The following EOMES variants were observed in gnomAD, a reference collection of about 807,000 sequenced individuals.
EOMES encodes the protein eomesodermin, also known as eomesodermin homolog.
EOMES carries 18 observed loss-of-function variants against 61.0 expected under a neutral mutation model. The ratio of observed to expected loss-of-function variants is 0.30; its 90% CI spans 0.20 to 0.44. The LOEUF is 0.44. Ranked by LOEUF, EOMES falls within the 20% of genes least tolerant of loss-of-function variation. The pLI, the probability that EOMES is intolerant of heterozygous loss-of-function variation, is 1.00. For missense variants in EOMES, 885 were observed against 939.2 expected, an observed-to-expected ratio of 0.94 and a Z score of 0.75; for synonymous variants, 430 against 394.0, an observed-to-expected ratio of 1.09 and a Z score of -1.08.
Position 27,721,013 on chromosome 3 carries a change from T to C in EOMES, c.881+401A>G, listed in dbSNP as rs754180731. Among the ~76,000 whole-genome samples, 1 of 152,176 alleles carries C rather than the reference T, an allele frequency of 6.6e-6. No homozygotes were observed. Among genetic ancestry groups the C allele is most frequent in the Non-Finnish European group, 1.5e-5 (1 of 68,032 alleles). ...CCTAAAACTGCGGGAGCCCATCTACTGCGCTCAGGTGGCCAGCTCTTGAGC... is the reference window on the plus strand; with the variant it reads ...CCTAAAACTGCGGGAGCCCATCTACCGCGCTCAGGTGGCCAGCTCTTGAGC... On this transcript the variant is annotated intron_variant, in intron 1 of 5. Transcript: ENST00000449599. The surrounding 1 kb of genome is among the most constrained non-coding windows in gnomAD (Gnocchi z 7.4).
Position 27,719,391 on chromosome 3 carries a change from T to C in EOMES, c.1127A>G (p.Asn376Ser). The change falls in exon 3 of 6, where the codon AAT (asparagine) becomes AGT (serine). Residue 376 changes from asparagine (N) to serine (S), a missense_variant. Transcript: ENST00000449599. ...EISFGKLKLTNNKGANNNNTQ... is the reference protein window; with the variant it reads ...EISFGKLKLTSNKGANNNNTQ... ...GTTGTTGTTATTTGCGCCTTTGTTA[T>C]TGGTGAGTTTTAATTTCCCGAATGA... 1 of 1,614,080 alleles carries C rather than the reference T, an allele frequency of 6.2e-7. No individual in the cohort carries two copies. Among genetic ancestry groups the C allele is most frequent in the Non-Finnish European group, 8.5e-7 (1 of 1,179,926 alleles).
In EOMES at chr3:27,717,235, A is replaced by G. The variant is rs370255264; in HGVS notation, c.1953T>C (p.Asp651=). 1.8e-5 allele frequency: 29 copies of G among 1,613,926 alleles called. 1 individual carries two copies. The Middle Eastern group carries it at 6.6e-4, about 37-fold the overall frequency. Residue 651 remains aspartate, a synonymous_variant, in exon 6 of 6, where the codon GAT becomes GAC. Transcript: ENST00000449599. This position sits in a 1 kb window ranked among gnomAD's most constrained non-coding sequence, Gnocchi z 4.5. The part of the protein sequence containing the change: ...PPSIKSLDSN[D]SGVYTSACKR... ...TACAAGCACTGGTGTATACTCCTGAATCATTGGAATCTAGAGATTTGATGG... is the reference window on the plus strand; with the variant it reads ...TACAAGCACTGGTGTATACTCCTGAGTCATTGGAATCTAGAGATTTGATGG...
rs762111935 is a variant in EOMES, at chr3:27,720,158, C to T, written c.1036+13G>A. The T allele has an allele frequency of 1.5e-5, 23 of 1,552,652 alleles. No individual in the cohort carries two copies. In the South Asian group the frequency reaches 2.5e-4, roughly 17 times the overall value. ...GCCCGTTCCTCCCCGGCCCGAGCCT[C>T]TTCTCTGCTCACCCTGCATGTTATT... On this transcript the variant is annotated intron_variant, in intron 2 of 5. Transcript: ENST00000449599.
At chr3:27,718,917 T>A in intron 3 of EOMES, 24 bp from the exon 4 acceptor site, 1 of 1,574,362 alleles carries the variant, frequency 6.4e-7, no homozygotes, top group Non-Finnish European at 8.6e-7. Context: ...AGAAAAAAAT[T>A]GCTAAATCTA....
In EOMES at chr3:27,721,823, C is replaced by T. The variant is rs2060616605; in HGVS notation, c.472G>A (p.Ala158Thr). Residue 158 changes from alanine to threonine, a missense_variant, in exon 1 of 6, where the codon GCG becomes ACG. Coordinates refer to ENST00000449599, the MANE Select transcript of EOMES (RefSeq NM_001278182.2). This position sits in a 1 kb window ranked among gnomAD's most constrained non-coding sequence, Gnocchi z 7.4. ...TGGTACGGGAAGAGTGAGCAGGGCG[C>T]AGCCAGCTCCGACCCCTGAGGACCG... The part of the protein sequence containing the change: ...SPGPQGSELA[A>T]PCSLFPYQAA... 9.9e-6 allele frequency: 15 copies of T among 1,515,764 alleles called. No individual in the cohort carries two copies. The highest frequency in any genetic ancestry group is 1.3e-5 in the Non-Finnish European group (15 of 1,140,424). The allele number at this position is 1,515,764 out of a possible 1,614,324, so 93.9% of individuals were successfully genotyped here. A position where few individuals can be genotyped will look rare whatever the true frequency, so the allele number is the denominator to read the frequency against.
chr3:27,721,394 C>A lies in EOMES; in HGVS notation c.881+20G>T, dbSNP rs569189971. 2 of 1,594,940 alleles carry A rather than the reference C, an allele frequency of 1.3e-6. No homozygotes were observed. Among genetic ancestry groups the A allele is most frequent in the Non-Finnish European group, 1.7e-6 (2 of 1,170,518 alleles). On this transcript the variant is annotated intron_variant, in intron 1 of 5. Coordinates refer to ENST00000449599, the MANE Select transcript of EOMES (RefSeq NM_001278182.2). This position sits in a 1 kb window ranked among gnomAD's most constrained non-coding sequence, Gnocchi z 7.4. ...CACCCTTTATCCCCGAACCCAGGGG[C>A]CCCTCCACGCTGCGCTCACCTGCCC... is the stretch of plus-strand genomic sequence containing the variant.
intron 5 of EOMES, among the ~76,000 whole-genome samples, chr3:27,718,040 G>A (rs905965471): frequency 1.3e-5 from 2 of 152,072 alleles, no homozygotes; most frequent in Non-Finnish European, 2.9e-5. Context: ...TAGGCATCAA[G>A]TATTTAAACT....
rs904729096 is a variant in EOMES at position 27,717,731 on chromosome 3, C to T, written c.1457G>A (p.Gly486Glu). The T allele has an allele frequency of 4.9e-5, 79 of 1,613,756 alleles. No homozygotes were observed. Among genetic ancestry groups the T allele is most frequent in the Non-Finnish European group, 6.6e-5 (78 of 1,179,888 alleles). The change falls in exon 6 of 6, where the codon GGA becomes GAA. Residue 486 changes from glycine to glutamate, a missense_variant. Transcript: ENST00000449599. The surrounding 1 kb of genome is among the most constrained non-coding windows in gnomAD (Gnocchi z 4.5). ...GAAGGATTGAACGCCGTACCGACCT[C>T]CAGGGACAATCTGATGGGATCTAGG... ...DSPRSHQIVP[G>E]GRYGVQSFFP...
chr3:27,718,898 A>G lies in EOMES; in HGVS notation c.1159-5T>C, dbSNP rs756489327. The G allele has an allele frequency of 1.3e-6, 2 of 1,599,192 alleles. No individual in the cohort carries two copies. Among genetic ancestry groups the G allele is most frequent in the Non-Finnish European group, 1.7e-6 (2 of 1,171,802 alleles). Reference sequence around the variant, plus strand: ...TAAGGATTGTAAGACTATCATCTGGAAAGAGTACAGAAAAAAATTGCTAAA... The same window carrying G: ...TAAGGATTGTAAGACTATCATCTGGGAAGAGTACAGAAAAAAATTGCTAAA... On this transcript the variant is annotated splice_region_variant and splice_polypyrimidine_tract_variant and intron_variant, in intron 3 of 5. Coordinates refer to ENST00000449599, the MANE Select transcript of EOMES (RefSeq NM_001278182.2).
intron 5 of EOMES, 114 bp downstream of exon 5, chr3:27,718,473 T>C (rs1282432986): frequency 1.5e-6 from 1 of 680,504 alleles, no homozygotes; most frequent in Non-Finnish European, 2.3e-6. Flanking sequence ...AAGAAAAATA[T>C]GTAAAAATCC....
At chr3:27,722,707 T>C, upstream of EOMES, 2 of 1,000,368 alleles carry the variant, frequency 2.0e-6, no homozygotes, top group Non-Finnish European at 2.4e-6. Context: ...GTTGACCACT[T>C]GGAAACTTAT....
Position 27,717,395 on chromosome 3 carries a change from C to T in EOMES, c.1793G>A (p.Gly598Asp), listed in dbSNP as rs2060576908. The T allele has an allele frequency of 6.2e-7, 1 of 1,614,214 alleles. No homozygotes were observed. The highest frequency in any genetic ancestry group is 8.5e-7 in the Non-Finnish European group (1 of 1,180,042). ...FPAMAGWGGR[G>D]SYQRKMAAGL... Reference sequence around the variant, plus strand: ...AGCTGCCATCTTCCTCTGGTAAGAACCTCGACCTCCCCACCCTGCCATTGC... The same window carrying T: ...AGCTGCCATCTTCCTCTGGTAAGAATCTCGACCTCCCCACCCTGCCATTGC... Residue 598 changes from glycine (G) to aspartate (D), a missense_variant, in exon 6 of 6, where the codon GGT becomes GAT. Transcript: ENST00000449599. This position sits in a 1 kb window ranked among gnomAD's most constrained non-coding sequence, Gnocchi z 4.5.
chr3:27,718,683 T>C (rs773390866), intron 4 of EOMES, 35 bp from the exon 5 acceptor site: 7 of 1,613,122 alleles, frequency 4.3e-6, no homozygotes, highest in Non-Finnish European at 5.9e-6. Flanking sequence ...TTGAGTGATT[T>C]ATCATGCTGG....
chr3:27,722,101 C>G lies in EOMES; in HGVS notation c.194G>C (p.Ser65Thr), dbSNP rs774494349. 2 of 1,549,014 alleles carry G rather than the reference C, an allele frequency of 1.3e-6. No individual in the cohort carries two copies. The highest frequency in any genetic ancestry group is 2.7e-5 in the African/African-American group (2 of 73,072). ...FSGSLSCEAV[S>T]GEPAAASAGA... The stretch of plus-strand genomic sequence containing the variant: ...TGCGCTGGCGGCTGCGGGCTCCCCG[C>G]TCACCGCCTCGCAGGAGAGACTGCC... Residue 65 changes from serine to threonine, a missense_variant, in exon 1 of 6, where the codon AGC (serine) becomes ACC (threonine). By Grantham distance (58) the Ser-to-Thr change is moderately conservative (BLOSUM62 1). Around this residue, in one of 3 missense-constraint regions of EOMES, gnomAD observed 449 missense variants for 383.6 expected, o/e 1.17. Transcript: ENST00000449599.
In EOMES at chr3:27,716,280, C is replaced by T. The variant is rs574271008; in HGVS notation, c.*790G>A. The T allele has an allele frequency of 6.6e-6, 1 of 151,848 alleles. No homozygotes were observed. The highest frequency in any genetic ancestry group is 2.1e-4 in the South Asian group (1 of 4,800). The allele number at this position is 151,848 out of a possible 1,614,324, so 9.4% of individuals were successfully genotyped here. On this transcript the variant is annotated 3_prime_UTR_variant, in exon 6 of 6. Coordinates refer to ENST00000449599, the MANE Select transcript of EOMES (RefSeq NM_001278182.2). ...TTACAAAGCCAAAGCACCAGTTTTACATTATCCCAGACACCTATGTAGACT... is the reference window on the plus strand; with the variant it reads ...TTACAAAGCCAAAGCACCAGTTTTATATTATCCCAGACACCTATGTAGACT...
chr3:27,719,363 G>A lies in EOMES; in HGVS notation c.1155C>T (p.Thr385=), dbSNP rs752347692. The change falls in exon 3 of 6, where the codon ACC becomes ACT. Residue 385 remains threonine, a synonymous_variant. Coordinates refer to ENST00000449599, the MANE Select transcript of EOMES (RefSeq NM_001278182.2). ...CCCTCCTGCTCTGTCACTCTACCTG[G>A]GTGTTGTTGTTATTTGCGCCTTTGT... ...TNNKGANNNN[T]QMIVLQSLHK... The A allele has an allele frequency of 6.2e-7, 1 of 1,613,930 alleles. No individual in the cohort carries two copies. The highest frequency in any genetic ancestry group is 1.3e-5 in the African/African-American group (1 of 75,000).
chr3:27,720,242 G>A lies in EOMES; in HGVS notation c.965C>T (p.Ala322Val), dbSNP rs761569819. 4 of 1,612,886 alleles carry A rather than the reference G, an allele frequency of 2.5e-6. No individual in the cohort carries two copies. The highest frequency in any genetic ancestry group is 1.3e-5 in the African/African-American group (1 of 74,818). The change falls in exon 2 of 6, where the codon GCG becomes GTG. Residue 322 changes from alanine to valine, a missense_variant. Coordinates refer to ENST00000449599, the MANE Select transcript of EOMES (RefSeq NM_001278182.2). The stretch of plus-strand genomic sequence containing the variant: ...CTGGAAGCGCCAGTGGTTGGGGTCC[G>A]CCAGCACCACCTCTACGAACACATT... ...HYNVFVEVVL[A>V]DPNHWRFQGG... is the part of the protein sequence containing the mutation.
chr3:27,721,428 A>C lies in EOMES; in HGVS notation c.867T>G (p.Ile289Met). 6.2e-7 allele frequency: 1 copy of C among 1,612,144 alleles called. No individual in the cohort carries two copies. Among genetic ancestry groups the C allele is most frequent in the Non-Finnish European group, 8.5e-7 (1 of 1,179,246 alleles). ...GCTGCGCTCACCTGCCCTGTTTCGT[A>C]ATGATCATCTCAGTTTGGTGGCGGT... ...KFHRHQTEMI[I>M]TKQGRRMFPF... is the part of the protein sequence containing the mutation. The change falls in exon 1 of 6, where the codon ATT (isoleucine) becomes ATG (methionine). Residue 289 changes from isoleucine (I) to methionine (M), a missense_variant. Around this residue, in one of 3 missense-constraint regions of EOMES, gnomAD observed 177 missense variants for 273.3 expected, o/e 0.65. Transcript: ENST00000449599. The surrounding 1 kb of genome is among the most constrained non-coding windows in gnomAD (Gnocchi z 7.4).
rs1280717230 is a variant in EOMES, at chr3:27,721,738, G to A, written c.557C>T (p.Pro186Leu). ...GCCGGGGGGCAGCATGGAGCCGTAG[G>A]GGTAGCGCGCCCCGTTAGGAGCCGG... ...VYPAPNGARY[P>L]YGSMLPPGGF... The change falls in exon 1 of 6, where the codon CCC becomes CTC. Residue 186 changes from proline (P) to leucine (L), a missense_variant. Pro to Leu is a moderately conservative substitution (Grantham distance 98). This residue lies in a region of EOMES where 449 missense variants were observed against 383.6 expected (regional missense o/e 1.17). Coordinates refer to ENST00000449599, the MANE Select transcript of EOMES (RefSeq NM_001278182.2). The surrounding 1 kb of genome is among the most constrained non-coding windows in gnomAD (Gnocchi z 7.4). The A allele has an allele frequency of 6.7e-7, 1 of 1,485,338 alleles. No homozygotes were observed. Among genetic ancestry groups the A allele is most frequent in the Non-Finnish European group, 8.9e-7 (1 of 1,129,112 alleles). The allele number at this position is 1,485,338 out of a possible 1,614,324, so 92.0% of individuals were successfully genotyped here.
Sources: gnomAD v4.1 joint callset for allele counts (sites outside exome capture counted in the v4.1 genomes callset) on GRCh38, gnomAD v4.1.1 for gene constraint, gnomAD v4.1.1 regional missense constraint, Gnocchi (gnomAD v3.1) non-coding constraint, MANE v1.5 for transcripts, NCBI Gene and HGNC (gene_info 2026-07-23, HGNC 2026-07-21) for gene names.